Variants in BMP8A observed in about 807,000 individuals in gnomAD.
BMP8A encodes bone morphogenetic protein 8a, also known as BMP-8A.
In BMP8A, 14 loss-of-function variants were observed where a neutral mutation model predicts 36.8. The ratio of observed to expected loss-of-function variants is 0.38; its 90% CI spans 0.25 to 0.60. The LOEUF is 0.60. BMP8A is among the 20% of genes least tolerant of loss of function. BMP8A has a pLI of 0.63. For missense variants in BMP8A, 267 were observed against 551.1 expected, an observed-to-expected ratio of 0.48 and a Z score of 5.16; for synonymous variants, 120 against 237.7, an observed-to-expected ratio of 0.50 and a Z score of 4.55.
chr1:39,502,538 T>C (rs1314330130), intron 1 of BMP8A, among the ~76,000 whole-genome samples: 1 of 152,084 alleles, frequency 6.6e-6, no homozygotes, highest in Non-Finnish European at 1.5e-5. Flanking sequence ...GGGGTGGGGA[T>C]GGAAACTCCC....
At chr1:39,493,906 C>T (rs569269040) in intron 1 of BMP8A, among the ~76,000 whole-genome samples, 163 of 152,360 alleles carry the variant, frequency 1.1e-3, no homozygotes, top group South Asian at 2.1e-3. Context: ...AGCCCACATC[C>T]GACCTCCCCT....
chr1:39,497,219 T>A (rs527783133), intron 1 of BMP8A, among the ~76,000 whole-genome samples: 3 of 152,334 alleles, frequency 2.0e-5, no homozygotes, highest in East Asian at 3.9e-4. Context: ...TCCACATCCC[T>A]CTGTGGATAT....
At position 39,525,754 on chromosome 1, in the gene BMP8A, C is replaced by T. The variant is rs751395496; in HGVS notation, c.1165C>T (p.Arg389Cys). ...TGACAGCAGCAACAACGTCATCCTG[C>T]GCAAGCACCGCAACATGGTGGTCAA... ...YYDSSNNVILRKHRNMVVKAC... is the reference protein window; with the variant it reads ...YYDSSNNVILCKHRNMVVKAC... Residue 389 changes from arginine (R) to cysteine (C), a missense_variant, in exon 7 of 7, where the codon CGC (arginine) becomes TGC (cysteine). This residue lies in a region of BMP8A where 132 missense variants were observed against 151.3 expected (regional missense o/e 0.87). Coordinates refer to ENST00000331593, the MANE Select transcript of BMP8A (RefSeq NM_181809.4). The T allele has an allele frequency of 6.2e-6, 10 of 1,614,092 alleles. No individual in the cohort carries two copies. Among genetic ancestry groups the T allele is most frequent in the East Asian group, 2.2e-5 (1 of 44,904 alleles).
At chr1:39,508,976 A>C (rs745383530) in intron 1 of BMP8A, among the ~76,000 whole-genome samples, 1 of 152,174 alleles carries the variant, frequency 6.6e-6, no homozygotes, top group Non-Finnish European at 1.5e-5. Context: ...AAAACTCTTG[A>C]GTCAGCCTGG....
intron 1 of BMP8A, among the ~76,000 whole-genome samples, chr1:39,510,517 G>A (rs1645343852): frequency 6.7e-6 from 1 of 148,852 alleles, no homozygotes; most frequent in African/African-American, 2.5e-5. Flanking sequence ...GCTGTTTCCT[G>A]GTGCTTGCTT....
intron 3 of BMP8A, among the ~76,000 whole-genome samples, chr1:39,519,784 AT>A (rs1645418213): frequency 6.6e-6 from 1 of 150,690 alleles, no homozygotes; most frequent in Non-Finnish European, 1.5e-5. Context: ...GTCTGAGCGT[AT>A]GTGCATCTGT....
In BMP8A at chr1:39,524,770, G is replaced by A. The variant is rs1267737594; in HGVS notation, c.1060-879G>A. ...CTCCAGAAGGACCTTTCTGGCTTGG[G>A]GAGGCTGATGGTCGCGGGAGTGGAA... On this transcript the variant is annotated intron_variant, in intron 6 of 6. Transcript: ENST00000331593. This position sits in a 1 kb window ranked among gnomAD's most constrained non-coding sequence, Gnocchi z 4.0. 1 of 152,556 alleles carries A rather than the reference G, an allele frequency of 6.6e-6. No homozygotes were observed. The highest frequency in any genetic ancestry group is 6.5e-5 in the Admixed American group (1 of 15,294). The allele number at this position is 152,556 out of a possible 1,614,324, so 9.5% of individuals were successfully genotyped here. A position where few individuals can be genotyped will look rare whatever the true frequency, so the allele number is the denominator to read the frequency against.
intron 1 of BMP8A, 57 bp downstream of exon 1, chr1:39,492,382 C>A: frequency 1.4e-6 from 2 of 1,427,698 alleles, no homozygotes; most frequent in Non-Finnish European, 1.8e-6. Context: ...AGGGGAGGGG[C>A]GCGCATCCGC....
Position 39,528,849 on chromosome 1 carries a change from C to T in BMP8A, c.*3051C>T, listed in dbSNP as rs12038951. On this transcript the variant is annotated 3_prime_UTR_variant, in exon 7 of 7. Transcript: ENST00000331593. ...CCGAGTTGCTGGGATGACAGGCACACGCCACCATACCCAGCTAATTTTTAA... is the reference window on the plus strand; with the variant it reads ...CCGAGTTGCTGGGATGACAGGCACATGCCACCATACCCAGCTAATTTTTAA... Among the ~76,000 whole-genome samples, 5,564 of 152,082 alleles carry T rather than the reference C, an allele frequency of 0.037. 405 individuals are homozygous for T. The highest frequency in any genetic ancestry group is 0.33 in the East Asian group (1,716 of 5,166).
chr1:39,493,481 G>A (rs1437772518), intron 1 of BMP8A, among the ~76,000 whole-genome samples: 1 of 152,236 alleles, frequency 6.6e-6, no homozygotes, highest in Non-Finnish European at 1.5e-5. Context: ...CAGGCTTTCA[G>A]GGTGCAGAGA....
chr1:39,526,075 C>G lies in BMP8A; in HGVS notation c.*277C>G. ...CACTGTCTGGAGTCAGCACAGAAGT[C>G]CTATCTTAGGACCTGTCAGACTGTG... is the stretch of plus-strand genomic sequence containing the variant. On this transcript the variant is annotated 3_prime_UTR_variant, in exon 7 of 7. Coordinates refer to ENST00000331593, the MANE Select transcript of BMP8A (RefSeq NM_181809.4). The G allele has an allele frequency of 3.9e-6, 2 of 519,380 alleles. No individual in the cohort carries two copies. Among genetic ancestry groups the G allele is most frequent in the South Asian group, 4.8e-5 (2 of 41,632 alleles). The allele number at this position is 519,380 out of a possible 1,614,324, so 32.2% of individuals were successfully genotyped here.
At chr1:39,494,127 G>A (rs1314196145) in intron 1 of BMP8A, among the ~76,000 whole-genome samples, 1 of 152,206 alleles carries the variant, frequency 6.6e-6, no homozygotes, top group African/African-American at 2.4e-5. Flanking sequence ...TCCCCTCAGA[G>A]GGTGAACCTG....
At chr1:39,520,275 A>G (rs1400184021) in intron 3 of BMP8A, among the ~76,000 whole-genome samples, 2 of 147,954 alleles carry the variant, frequency 1.4e-5, no homozygotes, top group African/African-American at 5.0e-5. Flanking sequence ...CGGGAAGTTC[A>G]CCACCATGCC....
intron 6 of BMP8A, chr1:39,523,612 T>C: frequency 7.0e-7 from 1 of 1,436,724 alleles, no homozygotes; most frequent in Non-Finnish European, 9.1e-7. Flanking sequence ...CTCTCAACCT[T>C]TTGGCTTTTT....
intron 1 of BMP8A, among the ~76,000 whole-genome samples, chr1:39,496,692 C>T (rs947234084): frequency 2.0e-5 from 3 of 152,136 alleles, no homozygotes; most frequent in South Asian, 2.1e-4. Flanking sequence ...GTGGTTTTCC[C>T]AAGGCCACAC....
At chr1:39,518,394 CT>C (rs1645409124) in intron 3 of BMP8A, among the ~76,000 whole-genome samples, 1 of 128,614 alleles carries the variant, frequency 7.8e-6, no homozygotes, top group African/African-American at 3.2e-5. Context: ...GGGTTGGGGG[CT>C]TGAAATGAAA....
chr1:39,500,772 C>G (rs1645246425), intron 1 of BMP8A, among the ~76,000 whole-genome samples: 1 of 152,100 alleles, frequency 6.6e-6, no homozygotes, highest in Non-Finnish European at 1.5e-5. Context: ...CCTGCCTCAG[C>G]CTCCCAAGTA....
chr1:39,523,492 T>G, intron 6 of BMP8A: 1 of 1,312,102 alleles, frequency 7.6e-7, no homozygotes, highest in Non-Finnish European at 9.9e-7. Flanking sequence ...GGCCCCCGAG[T>G]ACGCTGGCAA....
intron 1 of BMP8A, among the ~76,000 whole-genome samples, chr1:39,493,302 T>C (rs1205222567): frequency 1.3e-5 from 2 of 152,186 alleles, no homozygotes; most frequent in Non-Finnish European, 2.9e-5. Context: ...CCGACAACCC[T>C]GATAACAGCC....
Sources: allele counts gnomAD v4.1 joint callset (sites outside exome capture counted in the v4.1 genomes callset), GRCh38; gene constraint gnomAD v4.1.1; regional missense constraint gnomAD v4.1.1; non-coding constraint Gnocchi (gnomAD v3.1); transcripts MANE v1.5; gene names NCBI Gene and HGNC (gene_info 2026-07-23, HGNC 2026-07-21).